PDIA4: variants seen among roughly 807,000 people sequenced by gnomAD.
PDIA4 encodes the protein protein disulfide isomerase family A member 4, also known as protein disulfide-isomerase A4.
In PDIA4, 33 loss-of-function variants were observed where a neutral mutation model predicts 62.1. The ratio of observed to expected loss-of-function variants is 0.53; its 90% CI spans 0.40 to 0.71. PDIA4 has a LOEUF of 0.71. Ranked by LOEUF, PDIA4 falls within the 30% of genes least tolerant of loss-of-function variation. The pLI is 0.00. For missense variants in PDIA4, 804 were observed against 813.6 expected (o/e 0.99, Z 0.14); for synonymous variants, 341 against 324.1 (o/e 1.05, Z -0.56).
rs764171372 is a variant in PDIA4, at chr7:149,012,295, G to C, written c.680C>G (p.Ser227Cys). 7.4e-6 allele frequency: 12 copies of C among 1,614,144 alleles called. No individual in the cohort carries two copies. Among genetic ancestry groups the C allele is most frequent in the Non-Finnish European group, 7.6e-6 (9 of 1,180,034 alleles). The change falls in exon 5 of 10, where the codon TCT becomes TGT. Residue 227 changes from serine (S) to cysteine (C), a missense_variant. By Grantham distance (112) the Ser-to-Cys change is moderately radical (BLOSUM62 -1). Coordinates refer to ENST00000652332, the MANE Select transcript of PDIA4 (RefSeq NM_004911.5). ...GACCTTTGCCAGGGGAATTGGAGGA[G>C]AACGCTTGCTGAGCTCCTTGGCGGC... The part of the protein sequence containing the change: ...EKAAKELSKR[S>C]PPIPLAKVDA...
chr7:149,011,708 A>C (rs1823950183), intron 6 of PDIA4, 138 bp downstream of exon 6: 1 of 667,818 alleles, frequency 1.5e-6, no homozygotes, highest in East Asian at 2.9e-5. Flanking sequence ...CTCCAACCCC[A>C]GAATGGAAAG....
intron 4 of PDIA4, among the ~76,000 whole-genome samples, chr7:149,014,302 T>C (rs1230977745): frequency 6.6e-6 from 1 of 151,394 alleles, no homozygotes; most frequent in African/African-American, 2.4e-5. Flanking sequence ...TCTCCCAGAC[T>C]CCCTACAGAA....
intron 4 of PDIA4, 151 bp from the exon 5 acceptor site, chr7:149,012,511 G>C: frequency 1.5e-6 from 1 of 654,924 alleles, no homozygotes; most frequent in South Asian, 1.9e-5. Flanking sequence ...AGGCCCTCAG[G>C]TGCTGTTGAG....
chr7:149,027,916 T>G (rs1391084674), intron 1 of PDIA4: 2 of 488,680 alleles, frequency 4.1e-6, no homozygotes, highest in Non-Finnish European at 4.2e-6. Flanking sequence ...CCTCGCCCCT[T>G]CTCTCCAGTG....
At chr7:149,013,692 A>G (rs1824028297) in intron 4 of PDIA4, among the ~76,000 whole-genome samples, 1 of 152,098 alleles carries the variant, frequency 6.6e-6, no homozygotes, top group South Asian at 2.1e-4. Context: ...TAAGAAAACA[A>G]AACAAAAAAA....
chr7:149,005,889 T>C lies in PDIA4; in HGVS notation c.1288+8A>G. On this transcript the variant is annotated splice_region_variant and intron_variant, in intron 8 of 9. Coordinates refer to ENST00000652332, the MANE Select transcript of PDIA4 (RefSeq NM_004911.5). Reference sequence around the variant, plus strand: ...CCACCCCCGCAGGTCTTGGTGGGGGTCCCTCACCAGCTCTGTAATCAAAGC... The same window carrying C: ...CCACCCCCGCAGGTCTTGGTGGGGGCCCCTCACCAGCTCTGTAATCAAAGC... 4 of 1,491,754 alleles carry C rather than the reference T, an allele frequency of 2.7e-6. No individual in the cohort carries two copies. In the South Asian group the frequency reaches 5.6e-5, roughly 21 times the overall value. The allele number at this position is 1,491,754 out of a possible 1,614,324, so 92.4% of individuals were successfully genotyped here.
At chr7:149,015,100 T>G in intron 3 of PDIA4, 58 bp from the exon 4 acceptor site, 1 of 1,581,066 alleles carries the variant, frequency 6.3e-7, no homozygotes, top group Non-Finnish European at 8.7e-7. Context: ...GCACTTCACC[T>G]CCCTCCAGAA....
chr7:149,011,835 C>T lies in PDIA4; in HGVS notation c.979+11G>A, dbSNP rs978981845. ...CGCACATTTTGTTCAGCCCAGAGGG[C>T]CACAACTCACCGGCATCCTGGTATT... On this transcript the variant is annotated intron_variant, in intron 6 of 9. Transcript: ENST00000652332. 1 of 1,554,786 alleles carries T rather than the reference C, an allele frequency of 6.4e-7. No homozygotes were observed. Among genetic ancestry groups the T allele is most frequent in the South Asian group, 1.2e-5 (1 of 81,474 alleles).
At chr7:149,016,965 T>C (rs1824159044) in intron 3 of PDIA4, among the ~76,000 whole-genome samples, 1 of 152,228 alleles carries the variant, frequency 6.6e-6, no homozygotes, top group Non-Finnish European at 1.5e-5. Flanking sequence ...CCATTCTCTT[T>C]GTATACGCCA....
At chr7:149,010,327 T>C (rs1823902672) in intron 6 of PDIA4, among the ~76,000 whole-genome samples, 2 of 152,032 alleles carry the variant, frequency 1.3e-5, no homozygotes, top group Non-Finnish European at 2.9e-5. Context: ...GGCAAAATCT[T>C]GTCTCCACAA....
At chr7:149,027,820 A>G (rs1824609873) in intron 1 of PDIA4, 2 of 471,094 alleles carry the variant, frequency 4.2e-6, no homozygotes, top group African/African-American at 4.0e-5. Context: ...TCCAGAATCT[A>G]TGGATTAATC....
intron 4 of PDIA4, among the ~76,000 whole-genome samples, chr7:149,013,035 G>A (rs1184539888): frequency 6.6e-6 from 1 of 152,156 alleles, no homozygotes; most frequent in Admixed American, 6.5e-5. Flanking sequence ...ATCACCTGAG[G>A]CCAGGAGTTT....
chr7:149,006,882 C>A (rs1823776095), intron 7 of PDIA4, among the ~76,000 whole-genome samples: 1 of 152,224 alleles, frequency 6.6e-6, no homozygotes, highest in Non-Finnish European at 1.5e-5. Context: ...GCCAGAAGAA[C>A]TGGGAGCAGC....
intron 3 of PDIA4, among the ~76,000 whole-genome samples, chr7:149,016,447 TCAGA>T (rs776364101): frequency 8.5e-5 from 13 of 152,082 alleles, no homozygotes; most frequent in East Asian, 1.9e-4. Context: ...AAAATCTCTC[TCAGA>T]CAGATACACA....
intron 2 of PDIA4, among the ~76,000 whole-genome samples, chr7:149,019,995 C>T (rs1242896553): frequency 2.0e-5 from 3 of 152,192 alleles, no homozygotes; most frequent in South Asian, 2.1e-4. Flanking sequence ...GAGTCTTGCT[C>T]TGTCGCCCAG....
At chr7:149,014,854 C>A in intron 4 of PDIA4, 50 bp downstream of exon 4, 1 of 1,583,624 alleles carries the variant, frequency 6.3e-7, no homozygotes, top group Non-Finnish European at 8.7e-7. Context: ...CACCCCGCAC[C>A]TAGTGCCCAC....
Position 149,005,900 on chromosome 7 carries a change from C to T in PDIA4, c.1285G>A (p.Ala429Thr). 6.6e-7 allele frequency: 1 copy of T among 1,509,786 alleles called. No individual in the cohort carries two copies. Among genetic ancestry groups the T allele is most frequent in the Non-Finnish European group, 8.8e-7 (1 of 1,137,966 alleles). The allele number at this position is 1,509,786 out of a possible 1,614,324, so 93.5% of individuals were successfully genotyped here. ...GGTCTTGGTGGGGGTCCCTCACCAG[C>T]TCTGTAATCAAAGCTGAAGTCCACA... is the stretch of plus-strand genomic sequence containing the variant. ...YSVDFSFDYR[A>T]ATQFWRSKVL... The change falls in exon 8 of 10, where the codon GCT becomes ACT. Residue 429 changes from alanine (A) to threonine (T), a missense_variant. Ala to Thr is a moderately conservative substitution (Grantham distance 58). Transcript: ENST00000652332.
chr7:149,025,818 A>T (rs757173031), intron 1 of PDIA4, among the ~76,000 whole-genome samples: 1 of 152,210 alleles, frequency 6.6e-6, no homozygotes, highest in Non-Finnish European at 1.5e-5. Context: ...CTTAGCACGA[A>T]AAATAGGTGA....
At chr7:149,021,245 C>G in intron 1 of PDIA4, 98 bp from the exon 2 acceptor site, 1 of 1,204,384 alleles carries the variant, frequency 8.3e-7, no homozygotes, top group Admixed American at 2.3e-5. Context: ...AATCCCAGCA[C>G]TTTGGGAGGC....
Sources: gnomAD v4.1 joint callset for allele counts (sites outside exome capture counted in the v4.1 genomes callset) on GRCh38, gnomAD v4.1.1 for gene constraint, MANE v1.5 for transcripts, NCBI Gene and HGNC (gene_info 2026-07-23, HGNC 2026-07-21) for gene names.